The following CSGALNACT1 variants were observed in gnomAD, a reference collection of about 807,000 sequenced individuals.
CSGALNACT1 encodes the protein chondroitin sulfate N-acetylgalactosaminyltransferase 1.
CSGALNACT1 carries 52 observed loss-of-function variants against 51.0 expected under a neutral mutation model. That is an observed-to-expected ratio of 1.02 (90% CI 0.82 to 1.29). The LOEUF (loss-of-function observed/expected upper bound fraction) is 1.29. CSGALNACT1 is among the 50% of genes most tolerant of loss of function. CSGALNACT1 has a pLI of 0.00. For missense variants in CSGALNACT1, 935 were observed against 679.2 expected (o/e 1.38, Z -4.19); for synonymous variants, 341 against 254.4 (o/e 1.34, Z -3.24).
intron 6 of CSGALNACT1, among the ~76,000 whole-genome samples, chr8:19,433,196 G>C (rs1330861558): frequency 2.0e-5 from 3 of 152,084 alleles, no homozygotes; most frequent in Non-Finnish European, 4.4e-5. Context: ...TAAATGACTG[G>C]AACCAGTAAG....
chr8:19,519,107 G>A (rs1478473113), intron 3 of CSGALNACT1, among the ~76,000 whole-genome samples: 2 of 152,100 alleles, frequency 1.3e-5, no homozygotes, highest in Non-Finnish European at 2.9e-5. Flanking sequence ...AAACATTATG[G>A]AAAGCCCAAT....
chr8:19,579,592 C>T (rs539139308), intron 3 of CSGALNACT1, among the ~76,000 whole-genome samples: 2 of 152,134 alleles, frequency 1.3e-5, no homozygotes, highest in African/African-American at 4.8e-5. Flanking sequence ...TTGTCTCTAC[C>T]ATACTATAAG....
intron 5 of CSGALNACT1, among the ~76,000 whole-genome samples, chr8:19,441,273 C>T (rs1351800319): frequency 6.6e-6 from 1 of 152,168 alleles, no homozygotes; most frequent in Non-Finnish European, 1.5e-5. Flanking sequence ...CAATCCTAAG[C>T]CAAAAGATCA....
intron 3 of CSGALNACT1, among the ~76,000 whole-genome samples, chr8:19,519,627 G>A (rs2080245869): frequency 6.6e-6 from 1 of 152,190 alleles, no homozygotes; most frequent in African/African-American, 2.4e-5. Flanking sequence ...TTGATCCGAA[G>A]GCGAGAGTTG....
intron 1 of CSGALNACT1, among the ~76,000 whole-genome samples, chr8:19,727,739 T>C (rs1223152934): frequency 6.6e-6 from 1 of 152,144 alleles, no homozygotes; most frequent in Non-Finnish European, 1.5e-5. Flanking sequence ...CCTAACACCA[T>C]GGCTGGGTGA....
At chr8:19,424,359 C>T (rs1461294193) in intron 6 of CSGALNACT1, among the ~76,000 whole-genome samples, 6 of 152,098 alleles carry the variant, frequency 3.9e-5, no homozygotes, top group Admixed American at 3.9e-4. Flanking sequence ...ATTTTCCTTC[C>T]TGATTCCTCA....
intron 1 of CSGALNACT1, among the ~76,000 whole-genome samples, chr8:19,659,065 C>A (rs900435870): frequency 6.6e-6 from 1 of 152,156 alleles, no homozygotes; most frequent in African/African-American, 2.4e-5. Context: ...AGGGCTCCCC[C>A]CAACCCACCC....
At chr8:19,750,478 C>T (rs185264810) in intron 1 of CSGALNACT1, among the ~76,000 whole-genome samples, 9 of 152,296 alleles carry the variant, frequency 5.9e-5, no homozygotes, top group South Asian at 2.1e-4. Context: ...AAGAAGAAAA[C>T]GGACACTGCT....
intron 5 of CSGALNACT1, among the ~76,000 whole-genome samples, chr8:19,450,298 G>C (rs1410930039): frequency 1.3e-5 from 2 of 149,498 alleles, no homozygotes; most frequent in Non-Finnish European, 3.0e-5. Context: ...AGGAGAAGGA[G>C]GAGGAGGAAT....
chr8:19,610,917 C>T (rs1484236246), intron 1 of CSGALNACT1, among the ~76,000 whole-genome samples: 1 of 152,260 alleles, frequency 6.6e-6, no homozygotes, highest in Non-Finnish European at 1.5e-5. Context: ...CACATGCCCA[C>T]TGCGGCTTCC....
intron 3 of CSGALNACT1, among the ~76,000 whole-genome samples, chr8:19,589,342 T>C (rs1290455066): frequency 6.6e-6 from 1 of 152,170 alleles, no homozygotes; most frequent in Non-Finnish European, 1.5e-5. Context: ...TTGTTTGTTT[T>C]TGAGATGGAG....
intron 3 of CSGALNACT1, among the ~76,000 whole-genome samples, chr8:19,564,827 C>T (rs1455559574): frequency 6.6e-6 from 1 of 152,156 alleles, no homozygotes; most frequent in Non-Finnish European, 1.5e-5. Flanking sequence ...AGAATGTAAG[C>T]CCCATGAAAG....
chr8:19,530,304 G>GTACACA (rs1361020981), intron 3 of CSGALNACT1, among the ~76,000 whole-genome samples: 1 of 123,542 alleles, frequency 8.1e-6, no homozygotes, highest in Admixed American at 7.7e-5. Flanking sequence ...CCATGAATGT[G>GTACACA]TACACATACA....
chr8:19,461,548 T>A (rs527347185), intron 4 of CSGALNACT1, among the ~76,000 whole-genome samples: 2 of 148,462 alleles, frequency 1.3e-5, no homozygotes, highest in African/African-American at 5.0e-5. Flanking sequence ...ACATTCACCA[T>A]GGGGGGCGTA....
At chr8:19,632,281 G>A (rs1255450530) in intron 1 of CSGALNACT1, among the ~76,000 whole-genome samples, 1 of 152,234 alleles carries the variant, frequency 6.6e-6, no homozygotes, top group Non-Finnish European at 1.5e-5. Context: ...AAGGATCTTA[G>A]ATTGTTAAAT....
chr8:19,608,888 A>G (rs2051779948), intron 1 of CSGALNACT1, among the ~76,000 whole-genome samples: 1 of 152,210 alleles, frequency 6.6e-6, no homozygotes. Context: ...AGGAATGTCA[A>G]CAGTTGAGAG....
At chr8:19,718,157 A>G (rs573198918) in intron 1 of CSGALNACT1, among the ~76,000 whole-genome samples, 1 of 152,296 alleles carries the variant, frequency 6.6e-6, no homozygotes, top group East Asian at 1.9e-4. Flanking sequence ...CAGTGGCACA[A>G]TCTCAGCTCA....
intron 6 of CSGALNACT1, among the ~76,000 whole-genome samples, chr8:19,434,195 A>C (rs1285545936): frequency 6.6e-6 from 1 of 152,070 alleles, no homozygotes; most frequent in Non-Finnish European, 1.5e-5. Flanking sequence ...AGAGGCCTTT[A>C]CTCCATTTTC....
chr8:19,454,395 G>C (rs1229587387), intron 5 of CSGALNACT1, among the ~76,000 whole-genome samples: 2 of 152,236 alleles, frequency 1.3e-5, no homozygotes, highest in African/African-American at 4.8e-5. Context: ...ATTGCAGCCA[G>C]GCACGTGGCT....
Sources: gnomAD v4.1 joint callset for allele counts (sites outside exome capture counted in the v4.1 genomes callset) on GRCh38, gnomAD v4.1.1 for gene constraint, MANE v1.5 for transcripts, NCBI Gene and HGNC (gene_info 2026-07-23, HGNC 2026-07-21) for gene names.